The following NHSL1 variants were observed in gnomAD, a reference collection of about 807,000 sequenced individuals.
NHSL1 encodes the protein NHS like 1.
Under a neutral mutation model 95.0 loss-of-function variants are expected in NHSL1, and 48 were observed. The observed-to-expected ratio is 0.51, with a 90% CI of 0.40 to 0.64. The LOEUF (loss-of-function observed/expected upper bound fraction) is 0.64, where lower values mean the gene tolerates loss of function less well. Among genes scored for constraint, NHSL1 ranks in the 30% least tolerant of loss-of-function variants. The pLI is 0.00. For synonymous variants in NHSL1, 783 were observed against 833.9 expected, an observed-to-expected ratio of 0.94 and a Z score of 1.05; for missense variants, 1,971 against 2,077.7, an observed-to-expected ratio of 0.95 and a Z score of 1.00.
At chr6:138,578,187 T>G (rs1018756240) in intron 1 of NHSL1, among the ~76,000 whole-genome samples, 5 of 152,232 alleles carry the variant, frequency 3.3e-5, no homozygotes, top group African/African-American at 1.2e-4. Context: ...CAAACATTTA[T>G]GCATATGTAT....
intron 2 of NHSL1, among the ~76,000 whole-genome samples, chr6:138,489,873 G>GA (rs1779951253): frequency 6.7e-5 from 2 of 29,758 alleles, no homozygotes; most frequent in Non-Finnish European, 6.2e-5. Context: ...AGAGAGAGAG[G>GA]GAGAGAGGGA....
Position 138,674,573 on chromosome 6 carries a change from G to A in NHSL1, c.96+17903C>T, listed in dbSNP as rs1392205491. 3.3e-5 allele frequency among the ~76,000 whole-genome samples: 5 copies of A among 152,088 alleles called. No individual in the cohort carries two copies. The East Asian group carries it at 7.7e-4, about 23-fold the overall frequency. On this transcript the variant is annotated intron_variant, in intron 1 of 3. Transcript: ENST00000491526. ...TTATAAGTGAGAACATACAGCGTTT[G>A]GTTTTCCACTCCTGCATTAGTTTGC...
chr6:138,484,932 T>C (rs1190414820), intron 2 of NHSL1, among the ~76,000 whole-genome samples: 1 of 152,206 alleles, frequency 6.6e-6, no homozygotes, highest in African/African-American at 2.4e-5. Flanking sequence ...CATGCCCAGA[T>C]TAATTTAAGA....
At chr6:138,538,406 A>C (rs1562357422) in intron 1 of NHSL1, among the ~76,000 whole-genome samples, 1 of 152,150 alleles carries the variant, frequency 6.6e-6, no homozygotes. Context: ...AAAAGTTGCT[A>C]CTCTCAGTGT....
chr6:138,561,105 G>C (rs991211016), intron 1 of NHSL1, among the ~76,000 whole-genome samples: 2 of 152,206 alleles, frequency 1.3e-5, no homozygotes, highest in East Asian at 3.8e-4. Flanking sequence ...CCAGTGAATA[G>C]ATTAGCCTTT....
intron 1 of NHSL1, chr6:138,651,100 C>T (rs1785086513): frequency 2.8e-6 from 1 of 352,790 alleles, no homozygotes; most frequent in Non-Finnish European, 5.5e-6. Context: ...TTAATAGCTA[C>T]ACATGCCAAC....
chr6:138,462,039 A>C (rs571443581), intron 3 of NHSL1, among the ~76,000 whole-genome samples: 1 of 152,112 alleles, frequency 6.6e-6, no homozygotes, highest in East Asian at 1.9e-4. Context: ...ATTAAGGAGG[A>C]GATGTAAGAA....
intron 1 of NHSL1, among the ~76,000 whole-genome samples, chr6:138,522,509 G>A (rs563342339): frequency 1.6e-4 from 25 of 152,296 alleles, no homozygotes; most frequent in Admixed American, 4.6e-4. Flanking sequence ...AGCCGTGGTG[G>A]CAAGCACCTG....
intron 2 of NHSL1, among the ~76,000 whole-genome samples, chr6:138,494,014 C>G (rs780169239): frequency 1.3e-4 from 20 of 152,112 alleles, no homozygotes; most frequent in Non-Finnish European, 2.2e-4. Context: ...CTATGAGATA[C>G]AAGATACTGG....
At chr6:138,541,716 A>G (rs1195150952) in intron 1 of NHSL1, among the ~76,000 whole-genome samples, 1 of 152,236 alleles carries the variant, frequency 6.6e-6, no homozygotes, top group Non-Finnish European at 1.5e-5. Flanking sequence ...GCGGGATAAA[A>G]GTTCATGAAA....
intron 1 of NHSL1, among the ~76,000 whole-genome samples, chr6:138,627,494 C>G (rs1180940495): frequency 6.6e-6 from 1 of 152,146 alleles, no homozygotes; most frequent in Non-Finnish European, 1.5e-5. Context: ...ACACATCATA[C>G]ATTTGGTATA....
At chr6:138,505,652 CAAA>C (rs10559023) in intron 1 of NHSL1, among the ~76,000 whole-genome samples, 7 of 87,690 alleles carry the variant, frequency 8.0e-5, no homozygotes, top group Admixed American at 1.3e-4. Context: ...GACTCCATTT[CAAA>C]AAAAAAAAAA....
intron 1 of NHSL1, among the ~76,000 whole-genome samples, chr6:138,518,442 T>C (rs1388095564): frequency 1.4e-5 from 2 of 146,156 alleles, no homozygotes; most frequent in Non-Finnish European, 3.0e-5. Context: ...ATAAGAAAAA[T>C]AATAGAAGTG....
chr6:138,465,906 T>C (rs1204226087), intron 3 of NHSL1, among the ~76,000 whole-genome samples: 1 of 151,378 alleles, frequency 6.6e-6, no homozygotes, highest in East Asian at 1.9e-4. Context: ...GTATTTTTAG[T>C]AGAGACGGGG....
intron 3 of NHSL1, among the ~76,000 whole-genome samples, chr6:138,459,538 G>T (rs1339084446): frequency 3.3e-5 from 5 of 152,144 alleles, no homozygotes; most frequent in Non-Finnish European, 7.4e-5. Context: ...TGAACAAAGA[G>T]TGATAATATA....
chr6:138,463,081 G>A (rs1322968100), intron 3 of NHSL1, among the ~76,000 whole-genome samples: 3 of 152,114 alleles, frequency 2.0e-5, no homozygotes, highest in Non-Finnish European at 4.4e-5. Context: ...TAACTTAAGC[G>A]AATCCTGCAG....
intron 3 of NHSL1, among the ~76,000 whole-genome samples, chr6:138,452,935 AC>A (rs1490622699): frequency 6.6e-6 from 1 of 152,076 alleles, no homozygotes; most frequent in Non-Finnish European, 1.5e-5. Context: ...CCAACAGGTG[AC>A]TTCCACATCC....
intron 1 of NHSL1, among the ~76,000 whole-genome samples, chr6:138,635,332 T>C (rs1225984208): frequency 1.3e-5 from 2 of 151,948 alleles, no homozygotes; most frequent in African/African-American, 4.8e-5. Flanking sequence ...TCCAAATGAA[T>C]AAAATCAGAT....
At chr6:138,435,007 A>T (rs1775981829) in intron 5 of NHSL1, among the ~76,000 whole-genome samples, 1 of 152,142 alleles carries the variant, frequency 6.6e-6, no homozygotes, top group African/African-American at 2.4e-5. Flanking sequence ...AGCGAAGATG[A>T]TCTATTTCCT....
Sources: gnomAD v4.1 joint callset for allele counts (sites outside exome capture counted in the v4.1 genomes callset) on GRCh38, gnomAD v4.1.1 for gene constraint, MANE v1.5 for transcripts, NCBI Gene and HGNC (gene_info 2026-07-23, HGNC 2026-07-21) for gene names.